LRBA: variants seen among roughly 807,000 people sequenced by gnomAD.
LRBA encodes LPS responsive beige-like anchor protein, also known as lipopolysaccharide-responsive and beige-like anchor protein.
Under a neutral mutation model 330.0 loss-of-function variants are expected in LRBA, and 176 were observed. The ratio of observed to expected loss-of-function variants is 0.53; its 90% confidence interval spans 0.47 to 0.60. LRBA has a LOEUF of 0.60. Among genes scored for constraint, LRBA ranks in the 20% least tolerant of loss-of-function variants. The pLI, the probability that LRBA is intolerant of heterozygous loss-of-function variation, is 0.00. For missense variants in LRBA, 3,259 were observed against 3,444.8 expected (o/e 0.95, Z 1.35); for synonymous variants, 1,230 against 1,193.0 (o/e 1.03, Z -0.64).
chr4:150,783,473 T>C (rs1051643393), intron 34 of LRBA, among the ~76,000 whole-genome samples: 1 of 152,176 alleles, frequency 6.6e-6, no homozygotes, highest in African/African-American at 2.4e-5. Context: ...TTCAATTTTG[T>C]AGTATCTGAT....
At chr4:150,546,927 A>G (rs1427165364) in intron 40 of LRBA, among the ~76,000 whole-genome samples, 1 of 152,204 alleles carries the variant, frequency 6.6e-6, no homozygotes, top group Non-Finnish European at 1.5e-5. Flanking sequence ...CTGTTGGGAA[A>G]TTTAAAGTAA....
chr4:150,906,116 A>C (rs1402301282), intron 12 of LRBA, 126 bp from the exon 13 acceptor site: 2 of 856,670 alleles, frequency 2.3e-6, no homozygotes, highest in Non-Finnish European at 3.7e-6. Context: ...CATGAAGCTC[A>C]CTATCACATT....
At chr4:150,593,828 A>G (rs1272432000) in intron 38 of LRBA, among the ~76,000 whole-genome samples, 1 of 152,180 alleles carries the variant, frequency 6.6e-6, no homozygotes, top group Non-Finnish European at 1.5e-5. Context: ...GCAAACATTT[A>G]CAAAAAAATG....
chr4:150,717,537 G>A (rs1368279626), intron 36 of LRBA, among the ~76,000 whole-genome samples: 3 of 151,766 alleles, frequency 2.0e-5, no homozygotes, highest in Non-Finnish European at 4.4e-5. Flanking sequence ...GTGTGCACAT[G>A]TAGTGCCAGC....
chr4:151,012,784 C>A (rs981192594), intron 2 of LRBA: 1 of 148,694 alleles, frequency 6.7e-6, no homozygotes, highest in Non-Finnish European at 1.5e-5. Context: ...TCAAAGCTTT[C>A]ATTCTTCAAA....
At chr4:150,840,051 C>T (rs556282268) in intron 28 of LRBA, among the ~76,000 whole-genome samples, 2 of 152,324 alleles carry the variant, frequency 1.3e-5, no homozygotes, top group South Asian at 4.1e-4. Context: ...CTGGTAGCTT[C>T]ACTTTTCTTC....
intron 40 of LRBA, among the ~76,000 whole-genome samples, chr4:150,543,554 A>C (rs928582253): frequency 5.3e-5 from 8 of 152,180 alleles, no homozygotes; most frequent in Admixed American, 2.0e-4. Flanking sequence ...ATGAATGGTA[A>C]ACTTATTTTC....
intron 36 of LRBA, among the ~76,000 whole-genome samples, chr4:150,729,079 T>A (rs1003605181): frequency 1.3e-4 from 20 of 152,068 alleles, no homozygotes; most frequent in African/African-American, 4.6e-4. Flanking sequence ...CAGCACTTTG[T>A]GAAGATAAGG....
intron 37 of LRBA, among the ~76,000 whole-genome samples, chr4:150,656,044 G>C (rs1388062906): frequency 6.6e-6 from 1 of 152,142 alleles, no homozygotes; most frequent in Non-Finnish European, 1.5e-5. Flanking sequence ...TGTGTGATCA[G>C]ATTCTGGGTT....
chr4:150,774,097 T>A (rs1052066743), intron 34 of LRBA, among the ~76,000 whole-genome samples: 2 of 152,180 alleles, frequency 1.3e-5, no homozygotes. Context: ...AGAAAAAGAC[T>A]CCATTTTATA....
intron 30 of LRBA, among the ~76,000 whole-genome samples, chr4:150,819,966 G>A (rs899841793): frequency 2.6e-5 from 4 of 151,888 alleles, no homozygotes; most frequent in Non-Finnish European, 5.9e-5. Flanking sequence ...TGCTCTTATG[G>A]TTGCTAAGCG....
At chr4:150,403,856 C>T (rs1415334413) in intron 47 of LRBA, among the ~76,000 whole-genome samples, 3 of 151,950 alleles carry the variant, frequency 2.0e-5, no homozygotes, top group Non-Finnish European at 2.9e-5. Context: ...CATGGTGAAA[C>T]CCGGTCTCTA....
chr4:150,812,422 T>A (rs1248686838), intron 31 of LRBA, among the ~76,000 whole-genome samples: 3 of 152,158 alleles, frequency 2.0e-5, no homozygotes, highest in Non-Finnish European at 4.4e-5. Flanking sequence ...TTATTTAAGG[T>A]CCCTGCGGGT....
chr4:150,817,912 A>T (rs1744838521), intron 30 of LRBA, among the ~76,000 whole-genome samples: 1 of 152,116 alleles, frequency 6.6e-6, no homozygotes, highest in Admixed American at 6.6e-5. Context: ...CTTAAAAGGC[A>T]TTTTTAATTG....
intron 16 of LRBA, 60 bp downstream of exon 16, chr4:150,896,334 T>TA (rs908690882): frequency 2.3e-6 from 2 of 880,234 alleles, no homozygotes; most frequent in Non-Finnish European, 3.5e-6. Flanking sequence ...TTTTTACTTT[T>TA]AAAAAAGTCT....
chr4:150,752,782 C>A (rs1733729316), intron 35 of LRBA, among the ~76,000 whole-genome samples: 1 of 152,082 alleles, frequency 6.6e-6, no homozygotes, highest in Non-Finnish European at 1.5e-5. Context: ...TAAAACAACT[C>A]ATGATATTAC....
At chr4:150,450,625 A>G (rs1183157199) in intron 44 of LRBA, among the ~76,000 whole-genome samples, 1 of 152,242 alleles carries the variant, frequency 6.6e-6, no homozygotes, top group Non-Finnish European at 1.5e-5. Context: ...CTATTTATGA[A>G]TAAGGTCACA....
rs77338885 is a variant in LRBA at position 151,011,597 on chromosome 4, CAAAAAAAAAAAAA to C, written c.216+2817_216+2829del. 6.8e-3 allele frequency among the ~76,000 whole-genome samples: 615 copies of C among 90,554 alleles called. 7 individuals carry two copies. The highest frequency in any genetic ancestry group is 0.023 in the African/African-American group (587 of 25,736). The allele number at this position is 90,554 out of a possible 152,430, so 59.4% of individuals were successfully genotyped here. ...TGGGCAACAGACTGAGACTCTATCT[CAAAAAAAAAAAAA>C]AAAAAAAAGACTAACTATCAATTAG... On this transcript the variant is annotated intron_variant, in intron 2 of 56. Transcript: ENST00000651943.
At chr4:150,937,079 T>G (rs1455566063) in intron 2 of LRBA, among the ~76,000 whole-genome samples, 3 of 152,072 alleles carry the variant, frequency 2.0e-5, no homozygotes, top group African/African-American at 4.8e-5. Flanking sequence ...AAACTGAGAT[T>G]ATAATGGTGA....
Sources: gnomAD v4.1 joint callset for allele counts (sites outside exome capture counted in the v4.1 genomes callset) on GRCh38, gnomAD v4.1.1 for gene constraint, MANE v1.5 for transcripts, NCBI Gene and HGNC (gene_info 2026-07-23, HGNC 2026-07-21) for gene names.